SLC25A21: variants seen among roughly 807,000 people sequenced by gnomAD.
The protein encoded by SLC25A21 is mitochondrial 2-oxodicarboxylate carrier.
SLC25A21 carries 47 observed loss-of-function variants against 43.8 expected under a neutral mutation model. The observed-to-expected ratio is 1.07, with a 90% CI of 0.85 to 1.37. SLC25A21 has a LOEUF of 1.37. SLC25A21 is among the 40% of genes most tolerant of loss of function. The pLI, the probability that SLC25A21 is intolerant of heterozygous loss-of-function variation, is 0.00. For missense variants in SLC25A21, 352 were observed against 350.2 expected (o/e 1.00, Z -0.04); for synonymous variants, 131 against 121.3 (o/e 1.08, Z -0.52).
chr14:36,947,034 T>A (rs1406688972), intron 1 of SLC25A21, among the ~76,000 whole-genome samples: 1 of 152,222 alleles, frequency 6.6e-6, no homozygotes, highest in African/African-American at 2.4e-5. Context: ...CCACCTCATG[T>A]GTTCAGCAAA....
intron 1 of SLC25A21, among the ~76,000 whole-genome samples, chr14:36,897,530 C>T (rs1566720960): frequency 6.6e-6 from 1 of 152,100 alleles, no homozygotes; most frequent in East Asian, 1.9e-4. Context: ...CCTTCTTCTC[C>T]CAACTCATCA....
At chr14:36,959,746 T>C (rs925451108) in intron 1 of SLC25A21, among the ~76,000 whole-genome samples, 47 of 152,178 alleles carry the variant, frequency 3.1e-4, no homozygotes, top group African/African-American at 1.1e-3. Flanking sequence ...GACCAACACA[T>C]GTTGGCTGTT....
chr14:36,706,899 G>A (rs557061614), intron 7 of SLC25A21, among the ~76,000 whole-genome samples: 8 of 149,872 alleles, frequency 5.3e-5, no homozygotes, highest in Non-Finnish European at 8.9e-5. Flanking sequence ...ACTGCAACCA[G>A]AGTCATCAGG....
intron 2 of SLC25A21, among the ~76,000 whole-genome samples, chr14:36,865,946 T>TA (rs1314397440): frequency 1.3e-5 from 2 of 152,152 alleles, no homozygotes; most frequent in East Asian, 3.8e-4. Context: ...AAAGATTTCT[T>TA]AGTGCAAGTT....
At chr14:36,940,107 G>A (rs370273169) in intron 1 of SLC25A21, among the ~76,000 whole-genome samples, 16 of 152,056 alleles carry the variant, frequency 1.1e-4, no homozygotes, top group Admixed American at 1.0e-3. Flanking sequence ...TCTAAACTGC[G>A]TATTGCAAAG....
At chr14:36,765,162 T>C (rs1171849877) in intron 3 of SLC25A21, among the ~76,000 whole-genome samples, 1 of 152,212 alleles carries the variant, frequency 6.6e-6, no homozygotes, top group Non-Finnish European at 1.5e-5. Context: ...GTGTCCTGCA[T>C]TGCTAAGAAG....
intron 6 of SLC25A21, among the ~76,000 whole-genome samples, chr14:36,718,193 C>T (rs1884226955): frequency 6.6e-6 from 1 of 152,116 alleles, no homozygotes; most frequent in Non-Finnish European, 1.5e-5. Flanking sequence ...GGGTTCCTGG[C>T]ACAGTTGAAT....
At chr14:37,171,664 A>C (rs1964131751) in intron 1 of SLC25A21, among the ~76,000 whole-genome samples, 1 of 152,184 alleles carries the variant, frequency 6.6e-6, no homozygotes, top group African/African-American at 2.4e-5. Context: ...ATTAATTACA[A>C]CATTTTTTTC....
intron 1 of SLC25A21, among the ~76,000 whole-genome samples, chr14:37,111,690 A>G (rs1350789451): frequency 6.6e-6 from 1 of 152,228 alleles, no homozygotes; most frequent in Non-Finnish European, 1.5e-5. Flanking sequence ...GATTGCTACC[A>G]TATATTTACT....
chr14:36,708,447 T>G (rs1157506759), intron 7 of SLC25A21, among the ~76,000 whole-genome samples: 1 of 151,618 alleles, frequency 6.6e-6, no homozygotes, highest in East Asian at 1.9e-4. Context: ...CATGTCAACA[T>G]TTTTTTTTAA....
chr14:37,081,323 T>G (rs1487049460), intron 1 of SLC25A21, among the ~76,000 whole-genome samples: 2 of 152,208 alleles, frequency 1.3e-5, no homozygotes, highest in Non-Finnish European at 2.9e-5. Context: ...GAGTTGTAAT[T>G]GAGAAGATGT....
intron 1 of SLC25A21, among the ~76,000 whole-genome samples, chr14:36,996,582 T>C (rs751903742): frequency 1.3e-5 from 2 of 152,186 alleles, no homozygotes; most frequent in East Asian, 3.8e-4. Flanking sequence ...TTGTTCTTGA[T>C]ACTGTTTGAA....
At chr14:37,084,422 T>TA (rs1962445539) in intron 1 of SLC25A21, among the ~76,000 whole-genome samples, 1 of 152,240 alleles carries the variant, frequency 6.6e-6, no homozygotes, top group African/African-American at 2.4e-5. Flanking sequence ...TAGAGAACTG[T>TA]AAAACAGTGA....
intron 2 of SLC25A21, among the ~76,000 whole-genome samples, chr14:36,853,757 C>T (rs556349361): frequency 5.9e-5 from 9 of 152,172 alleles, no homozygotes; most frequent in Non-Finnish European, 2.9e-5. Flanking sequence ...AATGGTCTGA[C>T]CCCTGGGACT....
chr14:37,004,926 A>ATTT lies in SLC25A21; in HGVS notation c.71-129925_71-129923dup, dbSNP rs35750060. The stretch of plus-strand genomic sequence containing the variant: ...GAATAAGAAGAATGGCAGGGAAGGA[A>ATTT]TTTTTTTTTTTTTTTTGAGACAGAG... On this transcript the variant is annotated intron_variant, in intron 1 of 9. Coordinates refer to ENST00000331299, the MANE Select transcript of SLC25A21 (RefSeq NM_030631.4). Among the ~76,000 whole-genome samples, 176 of 143,202 alleles carry ATTT rather than the reference A, an allele frequency of 1.2e-3. 2 individuals are homozygous for ATTT. Among genetic ancestry groups the ATTT allele is most frequent in the Non-Finnish European group, 1.4e-3 (91 of 65,598 alleles). 93.9% of individuals were successfully genotyped at this position (143,202 alleles called of 152,430 possible).
intron 7 of SLC25A21, among the ~76,000 whole-genome samples, chr14:36,698,604 C>G (rs11156927): frequency 0.46 from 69,468 of 151,842 alleles, 16,609 homozygotes; most frequent in East Asian, 0.82. Flanking sequence ...TGGAGGCTTT[C>G]TTCTTTTCTT....
intron 1 of SLC25A21, among the ~76,000 whole-genome samples, chr14:37,029,582 TACAG>T (rs1321126505): frequency 1.3e-5 from 2 of 152,080 alleles, no homozygotes; most frequent in African/African-American, 4.8e-5. Context: ...GCACAGTACT[TACAG>T]ACAGAATCCC....
At chr14:37,130,651 T>C (rs1275375777) in intron 1 of SLC25A21, among the ~76,000 whole-genome samples, 5 of 152,334 alleles carry the variant, frequency 3.3e-5, no homozygotes, top group African/African-American at 9.6e-5. Context: ...CTGTGTGCAG[T>C]GCATGGCTCT....
rs762610332 is a variant in SLC25A21, at chr14:36,711,436, C to T, written c.485G>A (p.Gly162Asp). Residue 162 changes from glycine to aspartate, a missense_variant, in exon 7 of 10, where the codon GGC becomes GAC. Transcript: ENST00000331299. ...GYARQIIKKE[G>D]WGLQGLNKGL... The stretch of plus-strand genomic sequence containing the variant: ...TTTGTTGAGGCCCTGGAGTCCCCAG[C>T]CTTCCTTCTTAATGATTTGTCTTGC... The T allele has an allele frequency of 6.1e-5, 98 of 1,614,004 alleles. No individual in the cohort carries two copies. The Admixed American group carries it at 1.6e-3, about 26-fold the overall frequency.
Sources: allele counts gnomAD v4.1 joint callset (sites outside exome capture counted in the v4.1 genomes callset), GRCh38; gene constraint gnomAD v4.1.1; transcripts MANE v1.5; gene names NCBI Gene and HGNC (gene_info 2026-07-23, HGNC 2026-07-21).